Variants in LRFN5 observed in about 807,000 individuals in gnomAD.
The protein encoded by LRFN5 is leucine rich repeat and fibronectin type III domain containing 5, also known as leucine-rich repeat and fibronectin type-III domain-containing protein 5.
Under a neutral mutation model 45.6 loss-of-function variants are expected in LRFN5, and 24 were observed. That is an observed-to-expected ratio of 0.53 (90% confidence interval 0.38 to 0.74). LRFN5 has a LOEUF of 0.74. Ranked by LOEUF, LRFN5 falls within the 30% of genes least tolerant of loss-of-function variation. The pLI, the probability that LRFN5 is intolerant of heterozygous loss-of-function variation, is 0.00. For synonymous variants in LRFN5, 340 were observed against 313.8 expected (o/e 1.08, Z -0.88); for missense variants, 776 against 861.5 (o/e 0.90, Z 1.24).
intron 2 of LRFN5, among the ~76,000 whole-genome samples, chr14:41,808,589 G>C (rs1342888272): frequency 1.8e-4 from 24 of 133,952 alleles, no homozygotes; most frequent in African/African-American, 3.6e-4. Flanking sequence ...AAGGAAGGAA[G>C]GAAGGAACGA....
At chr14:41,610,660 G>GAAAAAAAAA (rs1566586963) in intron 1 of LRFN5, among the ~76,000 whole-genome samples, 3 of 10,510 alleles carry the variant, frequency 2.9e-4, no homozygotes, top group East Asian at 1.7e-3. Context: ...CCCAGGGAAG[G>GAAAAAAAAA]TAAAAAAAAA....
Position 41,887,906 on chromosome 14 carries a change from A to G in LRFN5, c.1281A>G (p.Thr427=). The G allele has an allele frequency of 3.7e-6, 6 of 1,614,078 alleles. No individual in the cohort carries two copies. The highest frequency in any genetic ancestry group is 1.3e-5 in the African/African-American group (1 of 75,054). ...ATAAAATTGTGGTGGCAGAAGCTAC[A>G]TCATCAACGGCACTACTTAAATTTA... The part of the protein sequence containing the change: ...SQDKIVVAEA[T]SSTALLKFNF... The change falls in exon 3 of 6, where the codon ACA becomes ACG. Residue 427 remains threonine, a synonymous_variant. Coordinates refer to ENST00000298119, the MANE Select transcript of LRFN5 (RefSeq NM_152447.5). This position sits in a 1 kb window ranked among gnomAD's most constrained non-coding sequence, Gnocchi z 4.8.
Position 41,610,661 on chromosome 14 carries a change from T to TAA in LRFN5, c.-197+2120_-197+2121dup, listed in dbSNP as rs199770856. On this transcript the variant is annotated intron_variant, in intron 1 of 5. Transcript: ENST00000298119. ...TACCCCTCTGAGGTCCCAGGGAAGG[T>TAA]AAAAAAAAAAAAAAAAAAAAAAGTG... 6.8e-3 allele frequency among the ~76,000 whole-genome samples: 255 copies of TAA among 37,326 alleles called. 29 individuals are homozygous for TAA. Among genetic ancestry groups the TAA allele is most frequent in the Non-Finnish European group, 0.011 (167 of 14,718 alleles). 24.5% of individuals were successfully genotyped at this position (37,326 alleles called of 152,430 possible). A position where few individuals can be genotyped will look rare whatever the true frequency, so the allele number is the denominator to read the frequency against.
intron 1 of LRFN5, among the ~76,000 whole-genome samples, chr14:41,663,186 C>T (rs960294596): frequency 2.0e-5 from 3 of 152,080 alleles, no homozygotes; most frequent in African/African-American, 7.2e-5. Flanking sequence ...GGCCAAGGGG[C>T]GTAGCCAAAC....
chr14:41,699,833 C>A (rs1882765460), intron 1 of LRFN5: 2 of 152,158 alleles, frequency 1.3e-5, no homozygotes, highest in South Asian at 4.1e-4. Context: ...AATACAATAA[C>A]ATTAGAGTTG....
intron 1 of LRFN5, among the ~76,000 whole-genome samples, chr14:41,749,652 G>T (rs1205745520): frequency 6.6e-6 from 1 of 152,022 alleles, no homozygotes; most frequent in Non-Finnish European, 1.5e-5. Flanking sequence ...AACAATAGAC[G>T]CTGGGGTCTA....
At chr14:41,633,606 T>A (rs950200890) in intron 1 of LRFN5, among the ~76,000 whole-genome samples, 3 of 152,150 alleles carry the variant, frequency 2.0e-5, no homozygotes, top group African/African-American at 7.2e-5. Flanking sequence ...AGTTTTAGGA[T>A]CAGGTCCAAT....
At chr14:41,897,426 A>G (rs1031428325) in intron 4 of LRFN5, among the ~76,000 whole-genome samples, 1 of 152,002 alleles carries the variant, frequency 6.6e-6, no homozygotes, top group East Asian at 1.9e-4. Flanking sequence ...TAAAGTTAAC[A>G]TTGAATAAAT....
chr14:41,699,820 G>A (rs1882764582), intron 1 of LRFN5: 1 of 151,978 alleles, frequency 6.6e-6, no homozygotes, highest in African/African-American at 2.4e-5. Context: ...GAGCACTGAA[G>A]GAAATACAAT....
At chr14:41,678,289 C>T (rs1881728506) in intron 1 of LRFN5, among the ~76,000 whole-genome samples, 3 of 151,002 alleles carry the variant, frequency 2.0e-5, no homozygotes, top group Admixed American at 2.0e-4. Context: ...TATATATATT[C>T]CGTATATGTA....
At chr14:41,886,532 A>G in intron 2 of LRFN5, 74 bp from the exon 3 acceptor site, 5 of 970,864 alleles carry the variant, frequency 5.2e-6, no homozygotes, top group Non-Finnish European at 7.5e-6. Flanking sequence ...GCATACAAAT[A>G]TTATTCTAGT....
intron 2 of LRFN5, among the ~76,000 whole-genome samples, chr14:41,862,159 G>A (rs907391161): frequency 7.9e-5 from 12 of 152,040 alleles, no homozygotes; most frequent in Admixed American, 1.3e-4. Context: ...ACCTCTTTTC[G>A]TTATAAATTA....
intron 1 of LRFN5, among the ~76,000 whole-genome samples, chr14:41,758,950 A>G (rs1312544862): frequency 6.6e-6 from 1 of 152,110 alleles, no homozygotes; most frequent in African/African-American, 2.4e-5. Context: ...CCTCATTTGC[A>G]GTTAAAAATG....
At chr14:41,862,079 C>T (rs192942966) in intron 2 of LRFN5, among the ~76,000 whole-genome samples, 1,783 of 152,280 alleles carry the variant, frequency 0.012, 33 homozygotes, top group African/African-American at 0.04. Context: ...TCATGTAAGA[C>T]GTGCCATGCT....
chr14:41,902,420 A>T (rs1210200916), intron 5 of LRFN5, among the ~76,000 whole-genome samples: 2 of 151,904 alleles, frequency 1.3e-5, no homozygotes, highest in Non-Finnish European at 2.9e-5. Context: ...TAAGTAAATT[A>T]AAAAGTGTCA....
intron 2 of LRFN5, among the ~76,000 whole-genome samples, chr14:41,774,600 G>GA (rs990686207): frequency 6.6e-6 from 1 of 152,120 alleles, no homozygotes; most frequent in Admixed American, 6.5e-5. Context: ...AAATTGTATG[G>GA]AAAAAACATC....
chr14:41,740,468 A>G (rs922958389), intron 1 of LRFN5, among the ~76,000 whole-genome samples: 8 of 152,064 alleles, frequency 5.3e-5, no homozygotes, highest in African/African-American at 1.7e-4. Flanking sequence ...CATTTTCTCA[A>G]TAGATACAGA....
At chr14:41,904,094 C>G (rs1223031943) in intron 5 of LRFN5, 64 bp from the exon 6 acceptor site, 1 of 1,312,012 alleles carries the variant, frequency 7.6e-7, no homozygotes, top group African/African-American at 1.5e-5. Context: ...ATCTTATTAG[C>G]TATGTGTTTT....
At position 41,647,280 on chromosome 14, in the gene LRFN5, T is replaced by C. The variant is rs866348818; in HGVS notation, c.-197+38718T>C. Among the ~76,000 whole-genome samples the C allele has an allele frequency of 2.6e-5, 4 of 152,164 alleles. No homozygotes were observed. In the South Asian group the frequency reaches 8.3e-4, roughly 31 times the overall value. On this transcript the variant is annotated intron_variant, in intron 1 of 5. Coordinates refer to ENST00000298119, the MANE Select transcript of LRFN5 (RefSeq NM_152447.5). ...CAATATGACAAATGCCTACTCCTTG[T>C]CTAGGCCCCATATAATGAAGACCCA...
Sources: allele counts gnomAD v4.1 joint callset (sites outside exome capture counted in the v4.1 genomes callset), GRCh38; gene constraint gnomAD v4.1.1; non-coding constraint Gnocchi (gnomAD v3.1); transcripts MANE v1.5; gene names NCBI Gene and HGNC (gene_info 2026-07-23, HGNC 2026-07-21).